PLEKHA8: variants seen among roughly 807,000 people sequenced by gnomAD.
PLEKHA8 encodes pleckstrin homology domain containing A8.
PLEKHA8 carries 36 observed loss-of-function variants against 68.2 expected under a neutral mutation model. The observed-to-expected ratio is 0.53, with a 90% CI of 0.40 to 0.70. PLEKHA8 has a LOEUF of 0.70. PLEKHA8 is among the 30% of genes least tolerant of loss of function. The pLI is 0.00. For synonymous variants in PLEKHA8, 211 were observed against 216.1 expected (o/e 0.98, Z 0.20); for missense variants, 505 against 615.4 (o/e 0.82, Z 1.90).
rs757721207 is a variant in PLEKHA8 at position 30,055,272 on chromosome 7, A to G, written c.969A>G (p.Glu323=). Residue 323 remains glutamate (E), a synonymous_variant, in exon 9 of 14, where the codon GAA becomes GAG. Coordinates refer to ENST00000449726, the MANE Select transcript of PLEKHA8 (RefSeq NM_001197026.2). ...AATTATGTAGCTTTAGTGACATTGA[A>G]CTTCTGGAAGACAGTGGCATTCCCA... The part of the protein sequence containing the change: ...STMNTSFSDI[E]LLEDSGIPTE... 1 of 1,614,124 alleles carries G rather than the reference A, an allele frequency of 6.2e-7. No homozygotes were observed. The highest frequency in any genetic ancestry group is 8.5e-7 in the Non-Finnish European group (1 of 1,179,980).
rs1015996001 is a variant in PLEKHA8 at position 30,078,731 on chromosome 7, G to A, written c.1504G>A (p.Ala502Thr). The A allele has an allele frequency of 1.9e-6, 3 of 1,613,710 alleles. No individual in the cohort carries two copies. The highest frequency in any genetic ancestry group is 1.7e-6 in the Non-Finnish European group (2 of 1,179,814). ...CCTCCCTGCCATGGAGAAGCAGCTG[G>A]CCATACTGGACACTTTATATGAGGT... ...LYLPAMEKQL[A>T]ILDTLYEVHG... The change falls in exon 14 of 14, where the codon GCC becomes ACC. Residue 502 changes from alanine (A) to threonine (T), a missense_variant. Ala to Thr is a moderately conservative substitution (Grantham distance 58). Transcript: ENST00000449726.
downstream of PLEKHA8, among the ~76,000 whole-genome samples, chr7:30,094,922 T>C (rs552434551): frequency 1.4e-4 from 22 of 152,148 alleles, no homozygotes; most frequent in Non-Finnish European, 2.5e-4. Flanking sequence ...ATCCAGTCTA[T>C]CATTGTTGGA....
chr7:30,108,924 G>T (rs1159478829), intron 13 of PLEKHA8, among the ~76,000 whole-genome samples: 1 of 152,188 alleles, frequency 6.6e-6, no homozygotes, highest in Non-Finnish European at 1.5e-5. Flanking sequence ...CAGTCTGTAT[G>T]CCTCCCACAA....
intron 9 of PLEKHA8, among the ~76,000 whole-genome samples, chr7:30,058,653 A>G (rs1320813071): frequency 6.6e-6 from 1 of 152,202 alleles, no homozygotes; most frequent in African/African-American, 2.4e-5. Flanking sequence ...TGTCTTAATT[A>G]TTATAAGGCT....
At chr7:30,039,051 C>A (rs1324838241) in intron 1 of PLEKHA8, among the ~76,000 whole-genome samples, 2 of 152,086 alleles carry the variant, frequency 1.3e-5, no homozygotes, top group African/African-American at 4.8e-5. Context: ...AGTCCTTTGG[C>A]TAAGATTTTT....
rs776947468 is a variant in PLEKHA8, at chr7:30,083,178, G to C, written c.*4391G>C. ...GACTTCAGATACTCTTTGTGATCTTGTAAGGGCTCTACACAAACTTCATTA... is the reference window on the plus strand; with the variant it reads ...GACTTCAGATACTCTTTGTGATCTTCTAAGGGCTCTACACAAACTTCATTA... On this transcript the variant is annotated 3_prime_UTR_variant, in exon 14 of 14. Coordinates refer to ENST00000449726, the MANE Select transcript of PLEKHA8 (RefSeq NM_001197026.2). 6.1e-6 allele frequency: 6 copies of C among 983,644 alleles called. No individual in the cohort carries two copies. Among genetic ancestry groups the C allele is most frequent in the Non-Finnish European group, 7.2e-6 (6 of 828,426 alleles). 60.9% of individuals were successfully genotyped at this position (983,644 alleles called of 1,614,324 possible).
intron 1 of PLEKHA8, among the ~76,000 whole-genome samples, chr7:30,036,065 G>A (rs1227031843): frequency 6.6e-6 from 1 of 152,066 alleles, no homozygotes; most frequent in East Asian, 2.0e-4. Context: ...AGACCAGCCT[G>A]GCCAACATGG....
intron 5 of PLEKHA8, among the ~76,000 whole-genome samples, chr7:30,049,706 A>G (rs1200257227): frequency 5.3e-5 from 8 of 152,188 alleles, no homozygotes; most frequent in Non-Finnish European, 1.0e-4. Flanking sequence ...CTATTAATGC[A>G]GTATAAATTG....
intron 2 of PLEKHA8, 29 bp downstream of exon 2, chr7:30,045,230 A>C (rs1791859261): frequency 6.5e-7 from 1 of 1,527,608 alleles, no homozygotes; most frequent in Non-Finnish European, 9.0e-7. Context: ...TGCAAGTTTT[A>C]TTTTTCTTTC....
chr7:30,079,133 C>G lies in PLEKHA8; in HGVS notation c.*346C>G, dbSNP rs149176146. ...GTCTAATGGGCCACCCAAACCCAAGCTGAAAATCAGCAAATTCCATATTAA... is the reference window on the plus strand; with the variant it reads ...GTCTAATGGGCCACCCAAACCCAAGGTGAAAATCAGCAAATTCCATATTAA... On this transcript the variant is annotated 3_prime_UTR_variant, in exon 14 of 14. Transcript: ENST00000449726. 2.0e-6 allele frequency: 2 copies of G among 1,022,156 alleles called. No homozygotes were observed. The highest frequency in any genetic ancestry group is 3.4e-5 in the African/African-American group (2 of 58,308). 63.3% of individuals were successfully genotyped at this position (1,022,156 alleles called of 1,614,324 possible). A position where few individuals can be genotyped will look rare whatever the true frequency, so the allele number is the denominator to read the frequency against.
chr7:30,079,685 C>A lies in PLEKHA8; in HGVS notation c.*898C>A. The A allele has an allele frequency of 2.1e-6, 1 of 467,380 alleles. No individual in the cohort carries two copies. Among genetic ancestry groups the A allele is most frequent in the Non-Finnish European group, 2.8e-6 (1 of 356,770 alleles). The allele number at this position is 467,380 out of a possible 1,614,324, so 29.0% of individuals were successfully genotyped here. Reference sequence around the variant, plus strand: ...AATTTCCAAGTGTGACCTGGACTGCCTCTGCATCAAAGTCATATGGAGTGC... The same window carrying A: ...AATTTCCAAGTGTGACCTGGACTGCATCTGCATCAAAGTCATATGGAGTGC... On this transcript the variant is annotated 3_prime_UTR_variant, in exon 14 of 14. Coordinates refer to ENST00000449726, the MANE Select transcript of PLEKHA8 (RefSeq NM_001197026.2).
In PLEKHA8 at chr7:30,028,632, A is replaced by T; in HGVS notation, c.-131A>T. 4.6e-6 allele frequency: 3 copies of T among 646,060 alleles called. No individual in the cohort carries two copies. The highest frequency in any genetic ancestry group is 6.6e-6 in the Non-Finnish European group (3 of 454,222). 40.0% of individuals were successfully genotyped at this position (646,060 alleles called of 1,614,324 possible). ...TGTGAGGCGGGCCGGGCGTCCCCAC[A>T]CCGGGCCCGGGCGCCGGGAGTGGGC... On this transcript the variant is annotated 5_prime_UTR_variant, in exon 1 of 14. Coordinates refer to ENST00000449726, the MANE Select transcript of PLEKHA8 (RefSeq NM_001197026.2).
downstream of PLEKHA8, among the ~76,000 whole-genome samples, chr7:30,091,529 C>T (rs758236129): frequency 2.0e-5 from 3 of 152,000 alleles, no homozygotes; most frequent in Non-Finnish European, 2.9e-5. Flanking sequence ...TTTACCCACA[C>T]GAAGCTATTG....
At chr7:30,074,746 G>A (rs961908794) in intron 13 of PLEKHA8, among the ~76,000 whole-genome samples, 5 of 152,164 alleles carry the variant, frequency 3.3e-5, no homozygotes, top group Non-Finnish European at 7.4e-5. Context: ...GGCTAGGAGG[G>A]CTAGAAATCT....
chr7:30,124,002 T>C (rs1053807155), intron 13 of PLEKHA8, among the ~76,000 whole-genome samples: 2 of 152,222 alleles, frequency 1.3e-5, no homozygotes, highest in African/African-American at 4.8e-5. Flanking sequence ...AGGCTATATC[T>C]TTGGGTCGTT....
chr7:30,069,298 T>C (rs1037596279), intron 12 of PLEKHA8, among the ~76,000 whole-genome samples: 1 of 152,256 alleles, frequency 6.6e-6, no homozygotes, highest in African/African-American at 2.4e-5. Flanking sequence ...GAACTATGAT[T>C]GTCATTTCCT....
At chr7:30,040,416 A>G (rs1791440240) in intron 1 of PLEKHA8, among the ~76,000 whole-genome samples, 1 of 152,240 alleles carries the variant, frequency 6.6e-6, no homozygotes, top group Non-Finnish European at 1.5e-5. Flanking sequence ...TCTTAAGACC[A>G]AAGAAAAAAG....
chr7:30,103,605 T>G (rs1349093836), intron 13 of PLEKHA8, among the ~76,000 whole-genome samples: 1 of 152,212 alleles, frequency 6.6e-6, no homozygotes, highest in East Asian at 1.9e-4. Flanking sequence ...AGTTCAGAAA[T>G]CAGGCCCCAC....
At chr7:30,123,475 T>TG (rs1469394595) in intron 13 of PLEKHA8, among the ~76,000 whole-genome samples, 1 of 152,162 alleles carries the variant, frequency 6.6e-6, no homozygotes, top group African/African-American at 2.4e-5. Flanking sequence ...TCAAACACAG[T>TG]GGGGGGCTGA....
Sources: allele counts gnomAD v4.1 joint callset (sites outside exome capture counted in the v4.1 genomes callset), GRCh38; gene constraint gnomAD v4.1.1; transcripts MANE v1.5; gene names NCBI Gene and HGNC (gene_info 2026-07-23, HGNC 2026-07-21).